XXYLT1: variants seen among roughly 807,000 people sequenced by gnomAD.
The protein encoded by XXYLT1 is xyloside xylosyltransferase 1.
Under a neutral mutation model 28.9 loss-of-function variants are expected in XXYLT1, and 20 were observed. The observed-to-expected ratio is 0.69, with a 90% CI of 0.49 to 1.00. The LOEUF (loss-of-function observed/expected upper bound fraction) is 1.00, where lower values mean the gene tolerates loss of function less well. Ranked by LOEUF, XXYLT1 falls within the 50% of genes least tolerant of loss-of-function variation. The pLI is 0.00. For synonymous variants in XXYLT1, 257 were observed against 253.8 expected, an observed-to-expected ratio of 1.01 and a Z score of -0.12; for missense variants, 542 against 560.1, an observed-to-expected ratio of 0.97 and a Z score of 0.33.
At chr3:195,157,193 A>T (rs559002075) in intron 2 of XXYLT1, among the ~76,000 whole-genome samples, 1 of 140,616 alleles carries the variant, frequency 7.1e-6, no homozygotes, top group Non-Finnish European at 1.5e-5. Flanking sequence ...CAGTGAGCTG[A>T]GATCGCGCCA....
At position 195,261,265 on chromosome 3, in the gene XXYLT1, T is replaced by G. The variant is rs553275098; in HGVS notation, c.504+9290A>C. 5.3e-5 allele frequency among the ~76,000 whole-genome samples: 8 copies of G among 152,252 alleles called. No individual in the cohort carries two copies. In the East Asian group the frequency reaches 1.5e-3, roughly 29 times the overall value. On this transcript the variant is annotated intron_variant, in intron 1 of 3. Transcript: ENST00000310380. ...CTGGCCAACATGGTGAAACCCTGTC[T>G]CTACTAAAAATACAAGAATTAGCCG...
chr3:195,185,078 A>G (rs1232987149), intron 2 of XXYLT1, among the ~76,000 whole-genome samples: 1 of 118,528 alleles, frequency 8.4e-6, no homozygotes, highest in Non-Finnish European at 1.6e-5. Context: ...AAGGAAGGAA[A>G]GAAGGAAGAA....
intron 3 of XXYLT1, chr3:195,121,923 G>A (rs527395055): frequency 3.1e-6 from 2 of 653,416 alleles, no homozygotes; most frequent in African/African-American, 3.6e-5. Context: ...AGCCCAGCCT[G>A]GACCCTACAT....
intron 1 of XXYLT1, among the ~76,000 whole-genome samples, chr3:195,249,682 C>T (rs1313823328): frequency 6.6e-6 from 1 of 152,212 alleles, no homozygotes; most frequent in Non-Finnish European, 1.5e-5. Context: ...GGGTTGCCCT[C>T]GCTTCACTTG....
At chr3:195,107,156 A>C (rs1415981344) in intron 3 of XXYLT1, among the ~76,000 whole-genome samples, 2 of 151,930 alleles carry the variant, frequency 1.3e-5, no homozygotes, top group African/African-American at 4.8e-5. Context: ...CAAGACGAAA[A>C]GCTGAGTCCA....
Position 195,226,711 on chromosome 3 carries a change from T to A in XXYLT1, c.650A>T (p.Lys217Ile), listed in dbSNP as rs116391422. The A allele has an allele frequency of 1.1e-3, 1,727 of 1,610,748 alleles. 12 individuals are homozygous for A. The Middle Eastern group carries it at 0.019, about 18-fold the overall frequency. ...LSVAMHQIMPKEILQIIQLDL... is the reference protein window; with the variant it reads ...LSVAMHQIMPIEILQIIQLDL... The stretch of plus-strand genomic sequence containing the variant: ...TTGCTCCTGGAAGCCCAGGTTACCT[T>A]TGGGCATGATCTGATGCATGGCGAC... Residue 217 changes from lysine to isoleucine, a missense_variant and splice_region_variant, in exon 2 of 4, where the codon AAA becomes ATA. Lys to Ile is a moderately radical substitution (Grantham distance 102). Coordinates refer to ENST00000310380, the MANE Select transcript of XXYLT1 (RefSeq NM_152531.5).
rs368480100 is a variant in XXYLT1, at chr3:195,129,189, T to C, written c.785+27260A>G. ...GCGTGAACACTGAAGTCTGCACTTA[T>C]ACGGCAGCCATTTACAACCTCCTGC... On this transcript the variant is annotated intron_variant, in intron 3 of 3. Coordinates refer to ENST00000310380, the MANE Select transcript of XXYLT1 (RefSeq NM_152531.5). This position sits in a 1 kb window ranked among gnomAD's most constrained non-coding sequence, Gnocchi z 4.4. Among the ~76,000 whole-genome samples, 9 of 152,326 alleles carry C rather than the reference T, an allele frequency of 5.9e-5. No homozygotes were observed. Among genetic ancestry groups the C allele is most frequent in the African/African-American group, 9.6e-5 (4 of 41,572 alleles).
rs998226727 is a variant in XXYLT1 at position 195,195,745 on chromosome 3, C to T, written c.652+30964G>A. On this transcript the variant is annotated intron_variant, in intron 2 of 3. Coordinates refer to ENST00000310380, the MANE Select transcript of XXYLT1 (RefSeq NM_152531.5). This position sits in a 1 kb window ranked among gnomAD's most constrained non-coding sequence, Gnocchi z 4.4. ...GCAGTGCCGTGCTGGGAATGCTCTTCCTGCACCCCAGCTGGAGCCCCTTCC... is the reference window on the plus strand; with the variant it reads ...GCAGTGCCGTGCTGGGAATGCTCTTTCTGCACCCCAGCTGGAGCCCCTTCC... 1.3e-5 allele frequency among the ~76,000 whole-genome samples: 2 copies of T among 152,318 alleles called. No homozygotes were observed. Among genetic ancestry groups the T allele is most frequent in the Non-Finnish European group, 2.9e-5 (2 of 68,024 alleles).
At position 195,112,484 on chromosome 3, in the gene XXYLT1, G is replaced by T. The variant is rs11928381; in HGVS notation, c.786-42373C>A. Among the ~76,000 whole-genome samples the T allele has an allele frequency of 8.9e-3, 1,148 of 128,274 alleles. 5 individuals are homozygous for T. The highest frequency in any genetic ancestry group is 0.031 in the African/African-American group (1,093 of 35,060). 84.2% of individuals were successfully genotyped at this position (128,274 alleles called of 152,430 possible). A position where few individuals can be genotyped will look rare whatever the true frequency, so the allele number is the denominator to read the frequency against. On this transcript the variant is annotated intron_variant, in intron 3 of 3. Transcript: ENST00000310380. ...TGCACACCCACACACATGCACACAC[G>T]CATGGACACATGCACACACCCACAC... is the stretch of plus-strand genomic sequence containing the variant.
intron 2 of XXYLT1, among the ~76,000 whole-genome samples, chr3:195,200,091 T>A (rs1722787415): frequency 6.6e-6 from 1 of 152,248 alleles, no homozygotes; most frequent in African/African-American, 2.4e-5. Flanking sequence ...ATCGCTGCTT[T>A]TCACATTTCC....
chr3:195,237,383 T>C (rs1337747714), intron 1 of XXYLT1, among the ~76,000 whole-genome samples: 2 of 152,100 alleles, frequency 1.3e-5, no homozygotes, highest in African/African-American at 4.8e-5. Context: ...TGCACTCTCC[T>C]TTCCCCGTCA....
At chr3:195,268,494 G>A (rs1379446471) in intron 1 of XXYLT1, among the ~76,000 whole-genome samples, 2 of 151,002 alleles carry the variant, frequency 1.3e-5, no homozygotes, top group Non-Finnish European at 2.9e-5. Flanking sequence ...CCAGCTACTC[G>A]AGAGGCTGAG....
intron 3 of XXYLT1, among the ~76,000 whole-genome samples, chr3:195,088,322 A>T (rs1268909068): frequency 2.7e-5 from 4 of 149,478 alleles, no homozygotes; most frequent in Admixed American, 6.7e-5. Context: ...TTCTCCCAGC[A>T]CGCAGCTGGA....
chr3:195,215,036 A>C (rs1342627225), intron 2 of XXYLT1: 1 of 150,646 alleles, frequency 6.6e-6, no homozygotes, highest in Non-Finnish European at 1.5e-5. Flanking sequence ...TAAAGAAAAG[A>C]ATTTTCAACC....
chr3:195,226,614 T>C, intron 2 of XXYLT1, 95 bp downstream of exon 2: 1 of 1,466,502 alleles, frequency 6.8e-7, no homozygotes, highest in South Asian at 1.3e-5. Context: ...GTGGAGCTAT[T>C]CTCCCTGATA....
Position 195,068,980 on chromosome 3 carries a change from TAG to T in XXYLT1, c.*733_*734del, listed in dbSNP as rs1714650178. On this transcript the variant is annotated 3_prime_UTR_variant, in exon 4 of 4. Coordinates refer to ENST00000310380, the MANE Select transcript of XXYLT1 (RefSeq NM_152531.5). ...TTTGATGACGAATTTGCTTTCTGAG[TAG>T]AGTCTGGTCACCTGGAGCTGGTTTG... The T allele has an allele frequency of 6.6e-6, 1 of 152,108 alleles. No individual in the cohort carries two copies. Among genetic ancestry groups the T allele is most frequent in the South Asian group, 2.1e-4 (1 of 4,828 alleles). 9.4% of individuals were successfully genotyped at this position (152,108 alleles called of 1,614,324 possible).
intron 1 of XXYLT1, among the ~76,000 whole-genome samples, chr3:195,251,787 T>C (rs1441633454): frequency 1.3e-5 from 2 of 151,834 alleles, no homozygotes; most frequent in East Asian, 1.9e-4. Flanking sequence ...CAAGAGAACA[T>C]GGAATGGGAA....
Position 195,115,676 on chromosome 3 carries a change from G to A in XXYLT1, c.785+40773C>T, listed in dbSNP as rs760645204. ...TCTGGTGCGGAGCAGTAACCCCCTC[G>A]TCTGGCTCCGGCAGCACACCGTGTG... On this transcript the variant is annotated intron_variant, in intron 3 of 3. Coordinates refer to ENST00000310380, the MANE Select transcript of XXYLT1 (RefSeq NM_152531.5). The surrounding 1 kb of genome is among the most constrained non-coding windows in gnomAD (Gnocchi z 4.2). Among the ~76,000 whole-genome samples, 1 of 152,200 alleles carries A rather than the reference G, an allele frequency of 6.6e-6. No individual in the cohort carries two copies. The highest frequency in any genetic ancestry group is 1.5e-5 in the Non-Finnish European group (1 of 68,034).
intron 3 of XXYLT1, among the ~76,000 whole-genome samples, chr3:195,081,422 C>T (rs1404045232): frequency 1.3e-5 from 2 of 152,178 alleles, no homozygotes; most frequent in African/African-American, 2.4e-5. Flanking sequence ...CACAATAATG[C>T]TTACAGGTGC....
Sources: gnomAD v4.1 joint callset for allele counts (sites outside exome capture counted in the v4.1 genomes callset) on GRCh38, gnomAD v4.1.1 for gene constraint, Gnocchi (gnomAD v3.1) non-coding constraint, MANE v1.5 for transcripts, NCBI Gene and HGNC (gene_info 2026-07-23, HGNC 2026-07-21) for gene names.